ADCK1: variants seen among roughly 807,000 people sequenced by gnomAD.
ADCK1 encodes the protein aarF domain containing kinase 1, also known as aarF domain-containing protein kinase 1.
In ADCK1, 41 loss-of-function variants were observed where a neutral mutation model predicts 52.3. The ratio of observed to expected loss-of-function variants is 0.78; its 90% confidence interval spans 0.61 to 1.02. ADCK1 has a LOEUF of 1.02. ADCK1 is among the 50% of genes least tolerant of loss of function. The pLI is 0.00. For synonymous variants in ADCK1, 250 were observed against 274.6 expected (o/e 0.91, Z 0.89); for missense variants, 658 against 679.5 (o/e 0.97, Z 0.35).
intron 4 of ADCK1, among the ~76,000 whole-genome samples, chr14:77,884,034 C>A (rs1240152711): frequency 6.6e-6 from 1 of 152,206 alleles, no homozygotes; most frequent in Non-Finnish European, 1.5e-5. Context: ...CTCTTGGCAG[C>A]TGTTCCTGCT....
At chr14:77,828,924 C>A (rs2081780420) in intron 3 of ADCK1, among the ~76,000 whole-genome samples, 1 of 151,358 alleles carries the variant, frequency 6.6e-6, no homozygotes, top group Non-Finnish European at 1.5e-5. Context: ...TCCTTTATAT[C>A]CAAAACAATC....
At chr14:77,928,223 C>T (rs7141888) in intron 9 of ADCK1, among the ~76,000 whole-genome samples, 32,098 of 151,890 alleles carry the variant, frequency 0.21, 3,505 homozygotes, top group South Asian at 0.33. Context: ...TACTTCCTGT[C>T]GTAGGGAAGA....
At chr14:77,838,388 C>T (rs1055726975) in intron 3 of ADCK1, among the ~76,000 whole-genome samples, 1 of 152,094 alleles carries the variant, frequency 6.6e-6, no homozygotes, top group Non-Finnish European at 1.5e-5. Flanking sequence ...AGCTTCTCTT[C>T]CCTCCAATCT....
At chr14:77,808,249 G>T (rs528002147) in intron 1 of ADCK1, among the ~76,000 whole-genome samples, 1 of 152,260 alleles carries the variant, frequency 6.6e-6, no homozygotes, top group East Asian at 1.9e-4. Flanking sequence ...GTTCTAATTG[G>T]TGGGTTTACA....
intron 1 of ADCK1, among the ~76,000 whole-genome samples, chr14:77,817,196 C>T (rs1198047686): frequency 2.0e-5 from 3 of 152,176 alleles, no homozygotes; most frequent in South Asian, 2.1e-4. Flanking sequence ...GAGCCGAGAT[C>T]GCGGCACTGC....
chr14:77,809,395 C>A (rs1346399346), intron 1 of ADCK1, among the ~76,000 whole-genome samples: 2 of 151,914 alleles, frequency 1.3e-5, no homozygotes, highest in Non-Finnish European at 2.9e-5. Context: ...AATGGCGTGA[C>A]CTTGGCTCAC....
At chr14:77,814,222 G>A (rs2081393378) in intron 1 of ADCK1, among the ~76,000 whole-genome samples, 1 of 151,660 alleles carries the variant, frequency 6.6e-6, no homozygotes, top group African/African-American at 2.4e-5. Flanking sequence ...AGGACAACAG[G>A]TGCATGCCAC....
intron 1 of ADCK1, among the ~76,000 whole-genome samples, chr14:77,802,412 T>G (rs151039005): frequency 8.6e-5 from 13 of 152,030 alleles, no homozygotes; most frequent in Admixed American, 5.9e-4. Context: ...TGAGAATTAT[T>G]TTTGTTGTCT....
chr14:77,893,716 GT>G (rs2083330609), intron 5 of ADCK1, among the ~76,000 whole-genome samples: 1 of 103,288 alleles, frequency 9.7e-6, no homozygotes, highest in East Asian at 2.6e-4. Context: ...CTACCATCTT[GT>G]TTCTTCCCTT....
At chr14:77,807,230 G>A (rs191401386) in intron 1 of ADCK1, among the ~76,000 whole-genome samples, 1,608 of 148,592 alleles carry the variant, frequency 0.011, 34 homozygotes, top group African/African-American at 0.038. Context: ...CACCACGCCC[G>A]GTTAATTTTT....
intron 4 of ADCK1, among the ~76,000 whole-genome samples, chr14:77,886,248 A>G (rs1391125743): frequency 6.6e-6 from 1 of 152,210 alleles, no homozygotes; most frequent in African/African-American, 2.4e-5. Context: ...GCCTCTGCCC[A>G]GGATTCTTTG....
At chr14:77,823,499 A>G (rs925049681) in intron 3 of ADCK1, among the ~76,000 whole-genome samples, 4 of 152,170 alleles carry the variant, frequency 2.6e-5, no homozygotes, top group African/African-American at 9.7e-5. Context: ...CTCTGGTGGA[A>G]CTGTCATATA....
chr14:77,887,063 A>G (rs1296914772), intron 4 of ADCK1, 28 bp from the exon 5 acceptor site: 1 of 1,511,344 alleles, frequency 6.6e-7, no homozygotes. Context: ...CATCTTTTTC[A>G]TTGCTCTGTT....
chr14:77,902,268 C>T (rs529523653), intron 6 of ADCK1: 1 of 152,294 alleles, frequency 6.6e-6, no homozygotes, highest in Admixed American at 6.5e-5. Flanking sequence ...GAAGATAGAA[C>T]CCATGAAGTT....
In ADCK1 at chr14:77,901,642, G is replaced by A. The variant is rs578216647; in HGVS notation, c.741+2384G>A. Among the ~76,000 whole-genome samples the A allele has an allele frequency of 8.3e-4, 126 of 152,112 alleles. 1 individual carries two copies. Among genetic ancestry groups the A allele is most frequent in the Admixed American group, 3.4e-3 (52 of 15,268 alleles). On this transcript the variant is annotated intron_variant, in intron 6 of 10. Transcript: ENST00000238561. ...TGACCTCAAATGATCCGCCTGCCTCGGCCTCCCAAAGTGCTGGGATTATAG... is the reference window on the plus strand; with the variant it reads ...TGACCTCAAATGATCCGCCTGCCTCAGCCTCCCAAAGTGCTGGGATTATAG...
intron 3 of ADCK1, among the ~76,000 whole-genome samples, chr14:77,827,350 CAAAAAAAA>C (rs772586548): frequency 1.4e-5 from 1 of 72,068 alleles, no homozygotes; most frequent in African/African-American, 4.7e-5. Flanking sequence ...GACTCTGTCT[CAAAAAAAA>C]AAAAAAAAAA....
intron 3 of ADCK1, among the ~76,000 whole-genome samples, chr14:77,852,847 T>C (rs2082328536): frequency 7.9e-6 from 1 of 127,160 alleles, no homozygotes; most frequent in South Asian, 2.5e-4. Context: ...ATAGTTTCTA[T>C]TGCCAGGTTT....
intron 3 of ADCK1, among the ~76,000 whole-genome samples, chr14:77,850,468 C>T (rs368991376): frequency 2.6e-5 from 4 of 152,102 alleles, no homozygotes; most frequent in South Asian, 2.1e-4. Context: ...TCATGTATTT[C>T]GAAGCTGTTA....
At chr14:77,852,689 A>ATATATTATATATATATATATG (rs2082323357) in intron 3 of ADCK1, among the ~76,000 whole-genome samples, 1 of 97,588 alleles carries the variant, frequency 1.0e-5, no homozygotes, top group Non-Finnish European at 2.0e-5. Flanking sequence ...ATATATATAT[A>ATATATTATATATATATATATG]TATATATATA....
Sources: gnomAD v4.1 joint callset for allele counts (sites outside exome capture counted in the v4.1 genomes callset) on GRCh38, gnomAD v4.1.1 for gene constraint, MANE v1.5 for transcripts, NCBI Gene and HGNC (gene_info 2026-07-23, HGNC 2026-07-21) for gene names.